Variants in MAGI1 observed in about 807,000 individuals in gnomAD.
The protein encoded by MAGI1 is membrane-associated guanylate kinase, WW and PDZ domain-containing protein 1.
Under a neutral mutation model 139.9 loss-of-function variants are expected in MAGI1, and 58 were observed. The ratio of observed to expected loss-of-function variants is 0.41; its 90% CI spans 0.34 to 0.52. The LOEUF (loss-of-function observed/expected upper bound fraction) is 0.52, where lower values mean the gene tolerates loss of function less well. Ranked by LOEUF, MAGI1 falls within the 20% of genes least tolerant of loss-of-function variation. MAGI1 has a pLI of 0.12. For synonymous variants in MAGI1, 812 were observed against 737.9 expected, an observed-to-expected ratio of 1.10 and a Z score of -1.63; for missense variants, 1,874 against 1,901.6, an observed-to-expected ratio of 0.99 and a Z score of 0.27.
At chr3:65,896,352 G>A (rs1048757157) in intron 1 of MAGI1, among the ~76,000 whole-genome samples, 43 of 150,880 alleles carry the variant, frequency 2.8e-4, no homozygotes, top group African/African-American at 9.3e-4. Flanking sequence ...GTTATCAATC[G>A]AGGACAATTT....
At chr3:65,530,794 T>G (rs2078661874) in intron 2 of MAGI1, among the ~76,000 whole-genome samples, 1 of 47,370 alleles carries the variant, frequency 2.1e-5, no homozygotes, top group African/African-American at 1.2e-4. Flanking sequence ...TATACACGTA[T>G]ATATATATAT....
intron 1 of MAGI1, among the ~76,000 whole-genome samples, chr3:65,690,436 A>AT (rs2088480968): frequency 6.6e-6 from 1 of 152,064 alleles, no homozygotes; most frequent in African/African-American, 2.4e-5. Flanking sequence ...AAACTGCTGA[A>AT]TTTTTTTAGT....
chr3:65,604,065 A>G (rs541293389), intron 2 of MAGI1, among the ~76,000 whole-genome samples: 1 of 152,322 alleles, frequency 6.6e-6, no homozygotes, highest in Non-Finnish European at 1.5e-5. Flanking sequence ...AATTTTCACA[A>G]TATCAAAATT....
chr3:65,962,857 GAAA>G, intron 1 of MAGI1, among the ~76,000 whole-genome samples: 1 of 112,464 alleles, frequency 8.9e-6, no homozygotes, highest in Non-Finnish European at 1.8e-5. Context: ...AGAAGCAGAA[GAAA>G]AAGAAGAAGA....
chr3:65,729,261 A>G (rs1454643601), intron 1 of MAGI1, among the ~76,000 whole-genome samples: 1 of 152,154 alleles, frequency 6.6e-6, no homozygotes, highest in Non-Finnish European at 1.5e-5. Flanking sequence ...TACATTATGT[A>G]AGCATACGTT....
At chr3:65,828,345 T>C (rs955726268) in intron 1 of MAGI1, among the ~76,000 whole-genome samples, 2 of 152,180 alleles carry the variant, frequency 1.3e-5, no homozygotes, top group African/African-American at 2.4e-5. Context: ...AGAAGGTCTA[T>C]CCCACAATAA....
At chr3:65,994,017 T>C (rs2066310740) in intron 1 of MAGI1, among the ~76,000 whole-genome samples, 1 of 152,154 alleles carries the variant, frequency 6.6e-6, no homozygotes, top group Non-Finnish European at 1.5e-5. Flanking sequence ...CTCAAGCCTG[T>C]AATCCCAGCA....
At chr3:65,375,715 A>T in intron 18 of MAGI1, 30 bp downstream of exon 18, 1 of 1,514,076 alleles carries the variant, frequency 6.6e-7, no homozygotes, top group Non-Finnish European at 9.2e-7. Context: ...AAAAAGAGAG[A>T]GAGAGAGAGA....
At chr3:65,815,342 A>T (rs2041533450) in intron 1 of MAGI1, among the ~76,000 whole-genome samples, 1 of 152,196 alleles carries the variant, frequency 6.6e-6, no homozygotes, top group Non-Finnish European at 1.5e-5. Flanking sequence ...ACACCTGCTA[A>T]GGGCATTTTC....
chr3:65,887,756 G>A (rs1035501422), intron 1 of MAGI1, among the ~76,000 whole-genome samples: 7 of 152,210 alleles, frequency 4.6e-5, no homozygotes, highest in Admixed American at 3.9e-4. Context: ...TTTGAGCTTC[G>A]ATCAATGTCT....
In MAGI1 at chr3:66,005,107, T is replaced by C. The variant is rs147495748; in HGVS notation, c.313+32889A>G. 3.8e-3 allele frequency among the ~76,000 whole-genome samples: 582 copies of C among 152,006 alleles called. 6 individuals carry two copies. Among genetic ancestry groups the C allele is most frequent in the African/African-American group, 0.013 (551 of 41,294 alleles). ...GAAACTATGAATTTGCCATGTTAAATGGCTTTTTTATTTTTAATGGATCAC... is the reference window on the plus strand; with the variant it reads ...GAAACTATGAATTTGCCATGTTAAACGGCTTTTTTATTTTTAATGGATCAC... On this transcript the variant is annotated intron_variant, in intron 1 of 22. Coordinates refer to ENST00000402939, the MANE Select transcript of MAGI1 (RefSeq NM_001033057.2).
intron 13 of MAGI1, among the ~76,000 whole-genome samples, chr3:65,392,060 T>C (rs190330000): frequency 2.0e-5 from 3 of 152,346 alleles, no homozygotes; most frequent in African/African-American, 4.8e-5. Context: ...ACTTTGTATA[T>C]GAGTTGACCT....
intron 1 of MAGI1, among the ~76,000 whole-genome samples, chr3:65,843,045 C>A (rs2108349695): frequency 6.6e-6 from 1 of 152,326 alleles, no homozygotes; most frequent in African/African-American, 2.4e-5. Context: ...ATGATCCCCA[C>A]CTCCTGGTAT....
At chr3:65,971,156 T>C (rs1307405852) in intron 1 of MAGI1, among the ~76,000 whole-genome samples, 6 of 152,218 alleles carry the variant, frequency 3.9e-5, no homozygotes, top group Admixed American at 2.0e-4. Flanking sequence ...TTAGCCAAGA[T>C]TGTGCCACTG....
chr3:65,565,342 T>C (rs2080564467), intron 2 of MAGI1, among the ~76,000 whole-genome samples: 1 of 152,194 alleles, frequency 6.6e-6, no homozygotes, highest in African/African-American at 2.4e-5. Context: ...AAACCTAGTA[T>C]GTCAATACTA....
At chr3:65,580,447 G>A (rs2081365326) in intron 2 of MAGI1, among the ~76,000 whole-genome samples, 1 of 151,970 alleles carries the variant, frequency 6.6e-6, no homozygotes, top group Non-Finnish European at 1.5e-5. Context: ...GATACACAGT[G>A]ACCCAAAGTC....
At chr3:65,688,327 T>C (rs1320177967) in intron 1 of MAGI1, 4 of 699,472 alleles carry the variant, frequency 5.7e-6, no homozygotes, top group East Asian at 7.3e-5. Flanking sequence ...ACTTCTGAAA[T>C]ATCTACCTGG....
intron 13 of MAGI1, among the ~76,000 whole-genome samples, chr3:65,393,401 T>C (rs1451281956): frequency 6.6e-6 from 1 of 152,210 alleles, no homozygotes; most frequent in African/African-American, 2.4e-5. Context: ...CTTATCATTA[T>C]ACTTTCCCAT....
intron 2 of MAGI1, among the ~76,000 whole-genome samples, chr3:65,570,973 G>A (rs1023812145): frequency 2.4e-4 from 37 of 152,242 alleles, no homozygotes; most frequent in African/African-American, 8.7e-4. Flanking sequence ...CTGTAGAAAC[G>A]GAGGCTTACA....
Sources: allele counts gnomAD v4.1 joint callset (sites outside exome capture counted in the v4.1 genomes callset), GRCh38; gene constraint gnomAD v4.1.1; transcripts MANE v1.5; gene names NCBI Gene and HGNC (gene_info 2026-07-23, HGNC 2026-07-21).